The following RPA2 variants were observed in gnomAD, a reference collection of about 807,000 sequenced individuals.
RPA2 encodes the protein replication protein A 32 kDa subunit.
RPA2 carries 22 observed loss-of-function variants against 33.4 expected under a neutral mutation model. The ratio of observed to expected loss-of-function variants is 0.66; its 90% CI spans 0.47 to 0.94. RPA2 has a LOEUF of 0.94. RPA2 is among the 40% of genes least tolerant of loss of function. The probability of loss-of-function intolerance (pLI) is 0.00; values close to 1 mark genes in which losing one functional copy is unlikely to be tolerated. For missense variants in RPA2, 279 were observed against 329.9 expected (o/e 0.85, Z 1.19); for synonymous variants, 109 against 114.9 (o/e 0.95, Z 0.33).
intron 4 of RPA2, among the ~76,000 whole-genome samples, chr1:27,899,458 T>C (rs1420243552): frequency 1.5e-5 from 2 of 137,706 alleles, no homozygotes; most frequent in Non-Finnish European, 3.0e-5. Flanking sequence ...TGAGAGACTG[T>C]GCCACTGCAC....
rs1347777972 is a variant in RPA2, at chr1:27,897,009, C to T, written c.521G>A (p.Ser174Asn). The change falls in exon 6 of 9, where the codon AGC (serine) becomes AAC (asparagine). Residue 174 changes from serine to asparagine, a missense_variant. Ser to Asn is a conservative substitution (Grantham distance 46). This residue lies in a region of RPA2 where 274 missense variants were observed against 310.3 expected (regional missense o/e 0.88). Coordinates refer to ENST00000373912, the MANE Select transcript of RPA2 (RefSeq NM_002946.5). Reference protein sequence around the residue: ...NAHMVLSKANSQPSAGRAPIS... With the variant: ...NAHMVLSKANNQPSAGRAPIS... ...TAGGAAAGCGAGACTACTCACCTGGCTGTTGGCTTTGCTTAGTACCATGTG... is the reference window on the plus strand; with the variant it reads ...TAGGAAAGCGAGACTACTCACCTGGTTGTTGGCTTTGCTTAGTACCATGTG... The T allele has an allele frequency of 6.2e-7, 1 of 1,604,052 alleles. No homozygotes were observed. The highest frequency in any genetic ancestry group is 8.5e-7 in the Non-Finnish European group (1 of 1,175,266).
intron 2 of RPA2, among the ~76,000 whole-genome samples, chr1:27,913,334 A>G (rs1273236899): frequency 6.7e-6 from 1 of 149,354 alleles, no homozygotes; most frequent in Non-Finnish European, 1.5e-5. Flanking sequence ...CACGCCTGTA[A>G]TCCCAACACT....
At chr1:27,912,195 T>C (rs1251806933) in intron 2 of RPA2, among the ~76,000 whole-genome samples, 1 of 152,098 alleles carries the variant, frequency 6.6e-6, no homozygotes, top group Non-Finnish European at 1.5e-5. Context: ...ATCTGAGTGA[T>C]TCCTAAAGAG....
intron 6 of RPA2, among the ~76,000 whole-genome samples, chr1:27,895,228 G>A (rs1313398805): frequency 3.9e-5 from 6 of 152,112 alleles, no homozygotes; most frequent in Non-Finnish European, 7.3e-5. Context: ...ACTGCTAACC[G>A]GATGCCAACA....
chr1:27,906,986 T>C lies in RPA2; in HGVS notation c.275A>G (p.Tyr92Cys). The C allele has an allele frequency of 6.2e-7, 1 of 1,613,930 alleles. No individual in the cohort carries two copies. Among genetic ancestry groups the C allele is most frequent in the Non-Finnish European group, 8.5e-7 (1 of 1,180,006 alleles). The change falls in exon 4 of 9, where the codon TAC (tyrosine) becomes TGC (cysteine). Residue 92 changes from tyrosine (Y) to cysteine (C), a missense_variant. Physicochemically the swap from Tyr to Cys is radical, Grantham distance 194 (BLOSUM62 -2). Around this residue, in one of 2 missense-constraint regions of RPA2, gnomAD observed 274 missense variants for 310.3 expected, o/e 0.88. Coordinates refer to ENST00000373912, the MANE Select transcript of RPA2 (RefSeq NM_002946.5). Reference protein sequence around the residue: ...HAEKAPTNIVYKIDDMTAAPM... With the variant: ...HAEKAPTNIVCKIDDMTAAPM... Reference sequence around the variant, plus strand: ...TGCAGCTGTCATGTCATCTATTTTGTAAACAATGTTGGTTGGAGCCTTCTC... The same window carrying C: ...TGCAGCTGTCATGTCATCTATTTTGCAAACAATGTTGGTTGGAGCCTTCTC...
chr1:27,914,139 T>C lies in RPA2; in HGVS notation c.41A>G (p.Tyr14Cys). 1 of 1,613,032 alleles carries C rather than the reference T, an allele frequency of 6.2e-7. No individual in the cohort carries two copies. Among genetic ancestry groups the C allele is most frequent in the Non-Finnish European group, 8.5e-7 (1 of 1,179,700 alleles). The part of the protein sequence containing the change: ...SGFESYGSSS[Y>C]GGAGGYTQSP... Reference sequence around the variant, plus strand: ...CTGCGTGTAGCCGCCGGCTCCCCCGTATGAGGAGCTGCCATAGCTTTCGAA... The same window carrying C: ...CTGCGTGTAGCCGCCGGCTCCCCCGCATGAGGAGCTGCCATAGCTTTCGAA... The change falls in exon 2 of 9, where the codon TAC becomes TGC. Residue 14 changes from tyrosine (Y) to cysteine (C), a missense_variant. Physicochemically the swap from Tyr to Cys is radical, Grantham distance 194. Around this residue, in one of 2 missense-constraint regions of RPA2, gnomAD observed 274 missense variants for 310.3 expected, o/e 0.88. Coordinates refer to ENST00000373912, the MANE Select transcript of RPA2 (RefSeq NM_002946.5).
At chr1:27,902,016 TA>T (rs11286461) in intron 4 of RPA2, among the ~76,000 whole-genome samples, 65,960 of 148,596 alleles carry the variant, frequency 0.44, 14,971 homozygotes, top group African/African-American at 0.58. Context: ...TTAAACATAG[TA>T]AAAAAAAAAA....
At chr1:27,904,137 C>T (rs1013127492) in intron 4 of RPA2, among the ~76,000 whole-genome samples, 1 of 149,798 alleles carries the variant, frequency 6.7e-6, no homozygotes, top group African/African-American at 2.5e-5. Context: ...TGCACTCCAG[C>T]CTGGGCAACA....
rs1557465019 is a variant in RPA2, at chr1:27,897,139, A to G, written c.409-18T>C. 8 of 1,535,460 alleles carry G rather than the reference A, an allele frequency of 5.2e-6. No homozygotes were observed. Among genetic ancestry groups the G allele is most frequent in the Non-Finnish European group, 7.2e-6 (8 of 1,113,692 alleles). ...TTTTTGTTCTATTAAAATGAAGGAAAAAAATGTGAATAAAATATGAACATA... is the reference window on the plus strand; with the variant it reads ...TTTTTGTTCTATTAAAATGAAGGAAGAAAATGTGAATAAAATATGAACATA... On this transcript the variant is annotated intron_variant, in intron 5 of 8. Coordinates refer to ENST00000373912, the MANE Select transcript of RPA2 (RefSeq NM_002946.5).
rs758110434 is a variant in RPA2 at position 27,897,688 on chromosome 1, G to A, written c.353C>T (p.Thr118Ile). ...CACATATGTTTCTGGAGGAACCACA[G>A]TGTTTTCACTGCTGGTGTCCTAACA... ...VDTDDTSSEN[T>I]VVPPETYVKV... Residue 118 changes from threonine to isoleucine, a missense_variant, in exon 5 of 9, where the codon ACT becomes ATT. Around this residue, in one of 2 missense-constraint regions of RPA2, gnomAD observed 274 missense variants for 310.3 expected, o/e 0.88. Transcript: ENST00000373912. The A allele has an allele frequency of 2.8e-5, 45 of 1,600,036 alleles. No individual in the cohort carries two copies. In the South Asian group the frequency reaches 4.8e-4, roughly 17 times the overall value.
At chr1:27,914,637 C>G (rs772900781), upstream of RPA2, 14 of 1,613,812 alleles carry the variant, frequency 8.7e-6, no homozygotes, top group Non-Finnish European at 1.1e-5. Context: ...GGATGCTACG[C>G]TTGTTCCTGT....
In RPA2 at chr1:27,907,217, A is replaced by T. The variant is rs376928504; in HGVS notation, c.183T>A (p.Asp61Glu). ...ISQLLSATLV[D>E]EVFRIGNVEI... Reference sequence around the variant, plus strand: ...CAACATTCCCAATTCTGAACACTTCATCAACCAAAGTGGCAGAAAGCAGCT... The same window carrying T: ...CAACATTCCCAATTCTGAACACTTCTTCAACCAAAGTGGCAGAAAGCAGCT... The change falls in exon 3 of 9, where the codon GAT becomes GAA. Residue 61 changes from aspartate to glutamate, a missense_variant. Physicochemically the swap from Asp to Glu is conservative, Grantham distance 45 (BLOSUM62 2). Coordinates refer to ENST00000373912, the MANE Select transcript of RPA2 (RefSeq NM_002946.5). The T allele has an allele frequency of 8.1e-6, 13 of 1,613,994 alleles. No homozygotes were observed. Among genetic ancestry groups the T allele is most frequent in the Non-Finnish European group, 1.1e-5 (13 of 1,180,008 alleles).
intron 4 of RPA2, among the ~76,000 whole-genome samples, chr1:27,899,835 C>G (rs1013976747): frequency 2.0e-5 from 3 of 151,340 alleles, no homozygotes; most frequent in African/African-American, 7.3e-5. Flanking sequence ...CGCCCGCCAC[C>G]ACGCCCGGCT....
chr1:27,914,680 G>A (rs1202917779), upstream of RPA2: 1 of 1,612,654 alleles, frequency 6.2e-7, no homozygotes, highest in African/African-American at 1.3e-5. Flanking sequence ...AACGCGTACT[G>A]CGCTCCCAGT....
At chr1:27,898,371 A>G (rs1296505465) in intron 4 of RPA2, among the ~76,000 whole-genome samples, 3 of 152,282 alleles carry the variant, frequency 2.0e-5, no homozygotes, top group African/African-American at 4.8e-5. Context: ...ATAGAATTCT[A>G]TTTACTGCCT....
Position 27,894,053 on chromosome 1 carries a change from A to T in RPA2, c.687T>A (p.Asp229Glu), listed in dbSNP as rs1419416341. 4.3e-6 allele frequency: 7 copies of T among 1,614,042 alleles called. No individual in the cohort carries two copies. The African/African-American group carries it at 9.3e-5, about 22-fold the overall frequency. The change falls in exon 8 of 9, where the codon GAT (aspartate) becomes GAA (glutamate). Residue 229 changes from aspartate to glutamate, a missense_variant. Around this residue, in one of 2 missense-constraint regions of RPA2, gnomAD observed 274 missense variants for 310.3 expected, o/e 0.88. Coordinates refer to ENST00000373912, the MANE Select transcript of RPA2 (RefSeq NM_002946.5). Reference protein sequence around the residue: ...CPRPEGLNFQDLKNQLKHMSV... With the variant: ...CPRPEGLNFQELKNQLKHMSV... The stretch of plus-strand genomic sequence containing the variant: ...ACATGTGTTTCAGCTGGTTCTTGAG[A>T]TCCTGAAAGTTCAACCCTTCAGGTC...
intron 7 of RPA2, 33 bp from the exon 8 acceptor site, chr1:27,894,139 T>C: frequency 1.3e-6 from 2 of 1,599,540 alleles, no homozygotes; most frequent in Non-Finnish European, 1.7e-6. Context: ...TTTTAGCAAT[T>C]ATTTTGGATC....
intron 4 of RPA2, among the ~76,000 whole-genome samples, chr1:27,901,591 C>T (rs967435622): frequency 1.3e-5 from 2 of 151,952 alleles, no homozygotes; most frequent in African/African-American, 4.8e-5. Context: ...GAACTCCTGA[C>T]CTCAGGTGAC....
chr1:27,911,100 C>T (rs1455626612), intron 2 of RPA2, among the ~76,000 whole-genome samples: 1 of 151,914 alleles, frequency 6.6e-6, no homozygotes, highest in East Asian at 1.9e-4. Context: ...CCTGTAGTCA[C>T]AGCTACTCGG....
Sources: gnomAD v4.1 joint callset for allele counts (sites outside exome capture counted in the v4.1 genomes callset) on GRCh38, gnomAD v4.1.1 for gene constraint, gnomAD v4.1.1 regional missense constraint, MANE v1.5 for transcripts, NCBI Gene and HGNC (gene_info 2026-07-23, HGNC 2026-07-21) for gene names.